CDH12: variants seen among roughly 807,000 people sequenced by gnomAD.
CDH12 encodes the protein cadherin 12, also known as cadherin-12.
In CDH12, 41 loss-of-function variants were observed where a neutral mutation model predicts 74.1. That is an observed-to-expected ratio of 0.55 (90% CI 0.43 to 0.72). The LOEUF is 0.72. Ranked by LOEUF, CDH12 falls within the 30% of genes least tolerant of loss-of-function variation. CDH12 has a pLI of 0.00. For synonymous variants in CDH12, 399 were observed against 355.0 expected (o/e 1.12, Z -1.39); for missense variants, 945 against 977.2 (o/e 0.97, Z 0.44).
At chr5:21,787,188 A>G (rs945062288) in intron 10 of CDH12, among the ~76,000 whole-genome samples, 1 of 152,220 alleles carries the variant, frequency 6.6e-6, no homozygotes, top group Non-Finnish European at 1.5e-5. Flanking sequence ...TTGTAGGTAA[A>G]TGCTACAAAA....
intron 3 of CDH12, among the ~76,000 whole-genome samples, chr5:22,280,039 T>A (rs1480351446): frequency 2.6e-5 from 4 of 152,188 alleles, no homozygotes; most frequent in Non-Finnish European, 4.4e-5. Context: ...CCAGCACCTG[T>A]TGTTTCCTGA....
At chr5:22,707,771 C>A (rs1743091381) in intron 1 of CDH12, among the ~76,000 whole-genome samples, 2 of 152,106 alleles carry the variant, frequency 1.3e-5, no homozygotes, top group Admixed American at 6.6e-5. Context: ...TTGAATTTTA[C>A]ATTTTGTGCT....
At chr5:22,604,536 T>C (rs2126816874) in intron 1 of CDH12, among the ~76,000 whole-genome samples, 1 of 152,302 alleles carries the variant, frequency 6.6e-6, no homozygotes, top group East Asian at 1.9e-4. Context: ...TATTATCCCC[T>C]CCCTTAAAGT....
intron 12 of CDH12, among the ~76,000 whole-genome samples, chr5:21,763,124 G>A (rs1744821655): frequency 6.6e-6 from 1 of 152,064 alleles, no homozygotes; most frequent in Non-Finnish European, 1.5e-5. Context: ...CAAAATTAAC[G>A]ATGCAGATTT....
At chr5:22,661,290 C>T (rs975827172) in intron 1 of CDH12, among the ~76,000 whole-genome samples, 1 of 152,120 alleles carries the variant, frequency 6.6e-6, no homozygotes, top group African/African-American at 2.4e-5. Context: ...TCTTGTTTGT[C>T]TTTATGATCT....
intron 2 of CDH12, among the ~76,000 whole-genome samples, chr5:22,504,623 T>A (rs1206177956): frequency 6.6e-6 from 1 of 152,056 alleles, no homozygotes; most frequent in Non-Finnish European, 1.5e-5. Context: ...GCGGGGAGTG[T>A]CAAAGCAGCA....
chr5:22,381,747 T>C lies in CDH12; in HGVS notation c.-333+23510A>G, dbSNP rs184492376. 8.5e-5 allele frequency among the ~76,000 whole-genome samples: 13 copies of C among 152,056 alleles called. No individual in the cohort carries two copies. In the East Asian group the frequency reaches 2.5e-3, roughly 29 times the overall value. On this transcript the variant is annotated intron_variant, in intron 3 of 14. Coordinates refer to ENST00000382254, the MANE Select transcript of CDH12 (RefSeq NM_004061.5). ...TTTCAGTGTGTAAATTTTTACTTTA[T>C]TCTCTTGCTTTTATTTTGAAAACTT...
At chr5:21,929,753 A>C (rs904661996) in intron 6 of CDH12, among the ~76,000 whole-genome samples, 1 of 152,102 alleles carries the variant, frequency 6.6e-6, no homozygotes, top group Non-Finnish European at 1.5e-5. Flanking sequence ...CCTGGACTCA[A>C]GTGATTCTCC....
chr5:22,576,348 A>G (rs983639069), intron 1 of CDH12, among the ~76,000 whole-genome samples: 1 of 152,174 alleles, frequency 6.6e-6, no homozygotes, highest in Non-Finnish European at 1.5e-5. Flanking sequence ...AGAGAGGAAA[A>G]GACCATGGAA....
At chr5:22,588,875 T>G (rs192951271) in intron 1 of CDH12, among the ~76,000 whole-genome samples, 121 of 152,248 alleles carry the variant, frequency 7.9e-4, no homozygotes, top group Admixed American at 9.2e-4. Context: ...AGTTATCACC[T>G]TTTTCTCTTG....
At chr5:21,988,108 C>T (rs1030311089) in intron 5 of CDH12, among the ~76,000 whole-genome samples, 5 of 152,124 alleles carry the variant, frequency 3.3e-5, no homozygotes, top group African/African-American at 1.2e-4. Context: ...TGTTTCCAAA[C>T]GTAGTAGTGA....
chr5:22,211,641 G>C (rs1162009636), intron 4 of CDH12, among the ~76,000 whole-genome samples: 1 of 151,588 alleles, frequency 6.6e-6, no homozygotes, highest in Non-Finnish European at 1.5e-5. Context: ...ACAAGAAAAT[G>C]GGTAAAAAAG....
intron 6 of CDH12, among the ~76,000 whole-genome samples, chr5:21,910,430 A>G (rs1018303906): frequency 7.2e-5 from 11 of 152,092 alleles, no homozygotes; most frequent in Non-Finnish European, 1.5e-5. Context: ...TCAGTTTTAC[A>G]TGTTTTCTCC....
chr5:22,095,908 T>C (rs1207392322), intron 4 of CDH12, among the ~76,000 whole-genome samples: 2 of 150,306 alleles, frequency 1.3e-5, no homozygotes, highest in Non-Finnish European at 3.0e-5. Context: ...CTTATTTCCG[T>C]GCCCCAACCT....
chr5:22,009,119 A>T lies in CDH12; in HGVS notation c.232-33734T>A, dbSNP rs1040123403. 2.6e-5 allele frequency among the ~76,000 whole-genome samples: 4 copies of T among 152,334 alleles called. 1 individual carries two copies. Among genetic ancestry groups the T allele is most frequent in the Admixed American group, 1.3e-4 (2 of 15,310 alleles). ...ACCCCAGTGGTGTACTTCTAATGCC[A>T]TCAAGAGAACATGATGCAAGAAGCT... is the stretch of plus-strand genomic sequence containing the variant. On this transcript the variant is annotated intron_variant, in intron 5 of 14. Coordinates refer to ENST00000382254, the MANE Select transcript of CDH12 (RefSeq NM_004061.5).
At chr5:22,201,052 C>A (rs1750899726) in intron 4 of CDH12, among the ~76,000 whole-genome samples, 1 of 152,254 alleles carries the variant, frequency 6.6e-6, no homozygotes. Context: ...TAGATCTAGT[C>A]AGACAAAAAG....
chr5:22,297,603 A>T (rs1737688455), intron 3 of CDH12, among the ~76,000 whole-genome samples: 1 of 152,190 alleles, frequency 6.6e-6, no homozygotes, highest in Non-Finnish European at 1.5e-5. Context: ...TTCTAAATCT[A>T]ATTTACAACA....
intron 14 of CDH12, among the ~76,000 whole-genome samples, chr5:21,753,234 C>T (rs532402178): frequency 2.4e-4 from 37 of 152,172 alleles, no homozygotes; most frequent in Non-Finnish European, 5.1e-4. Context: ...GAGAAGAATG[C>T]ATGATGATAA....
intron 5 of CDH12, among the ~76,000 whole-genome samples, chr5:21,990,892 G>A (rs180865389): frequency 2.4e-3 from 360 of 147,974 alleles, no homozygotes; most frequent in Non-Finnish European, 3.6e-3. Flanking sequence ...CATTTAAACT[G>A]AATCATCTCA....
Sources: allele counts gnomAD v4.1 joint callset (sites outside exome capture counted in the v4.1 genomes callset), GRCh38; gene constraint gnomAD v4.1.1; transcripts MANE v1.5; gene names NCBI Gene and HGNC (gene_info 2026-07-23, HGNC 2026-07-21).